Variants in NUP153 observed in about 807,000 individuals in gnomAD.
NUP153 encodes nucleoporin 153, also known as nuclear pore complex protein Nup153.
Under a neutral mutation model 134.6 loss-of-function variants are expected in NUP153, and 27 were observed. That is an observed-to-expected ratio of 0.20 (90% CI 0.15 to 0.28). The LOEUF is 0.28. Ranked by LOEUF, NUP153 falls within the 10% of genes least tolerant of loss-of-function variation. The probability of loss-of-function intolerance (pLI) is 1.00; values close to 1 mark genes in which losing one functional copy is unlikely to be tolerated. For synonymous variants in NUP153, 640 were observed against 623.5 expected (o/e 1.03, Z -0.40); for missense variants, 1,821 against 1,731.3 (o/e 1.05, Z -0.92).
intron 2 of NUP153, among the ~76,000 whole-genome samples, chr6:17,687,834 G>C (rs913832688): frequency 3.3e-5 from 5 of 152,180 alleles, no homozygotes; most frequent in Non-Finnish European, 7.4e-5. Flanking sequence ...GATAGGCTTG[G>C]CTGGGCACGG....
chr6:17,669,022 CA>C lies in NUP153; in HGVS notation c.1020del (p.Asp341IlefsTer5). ...SIVSSPLNSPLDRSGIDITDF... is the reference protein window; with the variant it reads ...SIVSSPLNSPXDRSGIDITDF... The stretch of plus-strand genomic sequence containing the variant: ...TCTGTGATATCTATCCCACTCCTAT[CA>C]AGAGGCTGAAAAAAAAAAAAAACAC... On this transcript the variant is annotated frameshift_variant, in exon 8 of 22. Coordinates refer to ENST00000262077, the MANE Select transcript of NUP153 (RefSeq NM_005124.4). LOFTEE classifies it high-confidence loss of function. 1 of 1,414,486 alleles carries C rather than the reference CA, an allele frequency of 7.1e-7. No individual in the cohort carries two copies. Among genetic ancestry groups the C allele is most frequent in the Non-Finnish European group, 9.4e-7 (1 of 1,062,560 alleles). 87.6% of individuals were successfully genotyped at this position (1,414,486 alleles called of 1,614,324 possible).
At chr6:17,682,958 T>A (rs1768696379) in intron 2 of NUP153, among the ~76,000 whole-genome samples, 1 of 149,458 alleles carries the variant, frequency 6.7e-6, no homozygotes, top group Admixed American at 6.7e-5. Context: ...TCTTTGCGCA[T>A]CCACAAGAAG....
intron 11 of NUP153, chr6:17,651,930 C>A: frequency 1.6e-6 from 1 of 619,714 alleles, no homozygotes; most frequent in Non-Finnish European, 3.1e-6. Context: ...CTTGTCTCTA[C>A]AAATAATTTT....
At chr6:17,642,700 C>T (rs1375524584) in intron 14 of NUP153, among the ~76,000 whole-genome samples, 1 of 152,172 alleles carries the variant, frequency 6.6e-6, no homozygotes, top group Non-Finnish European at 1.5e-5. Flanking sequence ...TATGAAAAAG[C>T]ATTGAAACCA....
intron 19 of NUP153, 115 bp from the exon 20 acceptor site, chr6:17,624,948 C>A (rs1352565353): frequency 2.0e-6 from 2 of 982,754 alleles, no homozygotes. Flanking sequence ...TCTTACCTTG[C>A]TAACCAAATT....
chr6:17,617,044 C>T lies in NUP153; in HGVS notation c.4175-349G>A, dbSNP rs143586296. Among the ~76,000 whole-genome samples, 164 of 152,232 alleles carry T rather than the reference C, an allele frequency of 1.1e-3. 1 individual carries two copies. The highest frequency in any genetic ancestry group is 3.4e-3 in the Middle Eastern group (1 of 294). On this transcript the variant is annotated intron_variant, in intron 20 of 21. Transcript: ENST00000262077. ...GATTACAGGCGTAAGCCACTGCACC[C>T]GGCCGCAACATGATAGGTTTTTAAA...
chr6:17,661,492 C>T (rs1308526352), intron 11 of NUP153, among the ~76,000 whole-genome samples, 161 bp downstream of exon 11: 6 of 152,014 alleles, frequency 3.9e-5, no homozygotes, highest in Non-Finnish European at 7.4e-5. Context: ...ATTTAAGGTA[C>T]TAGATTAGGT....
rs1285294269 is a variant in NUP153, at chr6:17,629,132, T to A, written c.3067A>T (p.Ser1023Cys). 2 of 1,613,612 alleles carry A rather than the reference T, an allele frequency of 1.2e-6. No homozygotes were observed. ...GAGTTAATAACACCTGTACCAAAGC[T>A]AAAACCTGCAGAGGAAGATTTGGGC... ...ELPKSSSAGF[S>C]FGTGVINSTP... is the part of the protein sequence containing the mutation. Residue 1023 changes from serine to cysteine, a missense_variant, in exon 18 of 22, where the codon AGC (serine) becomes TGC (cysteine). Ser to Cys is a moderately radical substitution (Grantham distance 112). Coordinates refer to ENST00000262077, the MANE Select transcript of NUP153 (RefSeq NM_005124.4).
intron 2 of NUP153, among the ~76,000 whole-genome samples, chr6:17,685,601 G>A (rs911659650): frequency 6.6e-6 from 1 of 150,702 alleles, no homozygotes; most frequent in African/African-American, 2.4e-5. Context: ...AGATTATGAA[G>A]AAGCTGAAAA....
intron 17 of NUP153, among the ~76,000 whole-genome samples, chr6:17,630,728 AGAGGGGAGAGGG>A (rs901927893): frequency 5.9e-5 from 7 of 118,450 alleles, no homozygotes; most frequent in East Asian, 2.9e-4. Context: ...AGGGGAGACA[AGAGGGGAGAGGG>A]GAGGGGAGAA....
At chr6:17,683,066 C>G (rs1768706551) in intron 2 of NUP153, among the ~76,000 whole-genome samples, 1 of 152,152 alleles carries the variant, frequency 6.6e-6, no homozygotes, top group African/African-American at 2.4e-5. Context: ...TCTATTTCCA[C>G]CACATTTGTA....
chr6:17,649,902 C>T (rs148580415), intron 11 of NUP153, among the ~76,000 whole-genome samples: 1 of 152,230 alleles, frequency 6.6e-6, no homozygotes, highest in African/African-American at 2.4e-5. Context: ...GAACATATCC[C>T]TTGCAGATAA....
chr6:17,620,630 T>G (rs1259621539), intron 20 of NUP153, among the ~76,000 whole-genome samples: 1 of 152,234 alleles, frequency 6.6e-6, no homozygotes, highest in Non-Finnish European at 1.5e-5. Flanking sequence ...TGGCTCTGAA[T>G]GCCGTCCAAC....
chr6:17,648,947 A>G (rs1196057251), intron 12 of NUP153, among the ~76,000 whole-genome samples: 2 of 152,228 alleles, frequency 1.3e-5, no homozygotes, highest in African/African-American at 4.8e-5. Flanking sequence ...ATCCTTCTCT[A>G]TGGTATTGCA....
At chr6:17,644,521 C>CCTGT (rs1341518484) in intron 14 of NUP153, among the ~76,000 whole-genome samples, 1 of 152,202 alleles carries the variant, frequency 6.6e-6, no homozygotes, top group Non-Finnish European at 1.5e-5. Context: ...TTCTCTTGTT[C>CCTGT]CTGTGCCCTT....
intron 20 of NUP153, among the ~76,000 whole-genome samples, chr6:17,621,818 T>G (rs1764654249): frequency 6.6e-6 from 1 of 152,180 alleles, no homozygotes; most frequent in South Asian, 2.1e-4. Context: ...CATTTCAAAA[T>G]AGCTAGAAGT....
At chr6:17,644,389 TC>T (rs761575557) in intron 14 of NUP153, among the ~76,000 whole-genome samples, 8 of 152,130 alleles carry the variant, frequency 5.3e-5, no homozygotes, top group Non-Finnish European at 1.0e-4. Context: ...ATTCAACATC[TC>T]CCTAATGCAG....
intron 20 of NUP153, among the ~76,000 whole-genome samples, chr6:17,620,095 CAAAAAAAAA>C (rs58013807): frequency 1.2e-3 from 75 of 62,998 alleles, no homozygotes; most frequent in Middle Eastern, 0.011. Flanking sequence ...AAGACACCAT[CAAAAAAAAA>C]AAAAAAAAAA....
At position 17,637,701 on chromosome 6, in the gene NUP153, C is replaced by T; in HGVS notation, c.1916G>A (p.Arg639Lys). The T allele has an allele frequency of 3.1e-6, 5 of 1,609,914 alleles. No homozygotes were observed. Among genetic ancestry groups the T allele is most frequent in the Non-Finnish European group, 4.2e-6 (5 of 1,179,986 alleles). Residue 639 changes from arginine to lysine, a missense_variant, in exon 16 of 22, where the codon AGA becomes AAA. Transcript: ENST00000262077. Reference protein sequence around the residue: ...PTATSPVVYTRPAISSFSSSG... With the variant: ...PTATSPVVYTKPAISSFSSSG... ...AGAAGAAAAGCTACTTATTGCTGGTCTTGTATAAACTACTGGGCTTGTTGC... is the reference window on the plus strand; with the variant it reads ...AGAAGAAAAGCTACTTATTGCTGGTTTTGTATAAACTACTGGGCTTGTTGC...
Sources: gnomAD v4.1 joint callset for allele counts (sites outside exome capture counted in the v4.1 genomes callset) on GRCh38, gnomAD v4.1.1 for gene constraint, MANE v1.5 for transcripts, NCBI Gene and HGNC (gene_info 2026-07-23, HGNC 2026-07-21) for gene names.